Variants in IGSF21 observed in about 807,000 individuals in gnomAD.
IGSF21 encodes the protein immunoglobulin superfamily member 21.
Under a neutral mutation model 46.8 loss-of-function variants are expected in IGSF21, and 28 were observed. The ratio of observed to expected loss-of-function variants is 0.60; its 90% CI spans 0.44 to 0.82. The LOEUF (loss-of-function observed/expected upper bound fraction) is 0.82, where lower values mean the gene tolerates loss of function less well. IGSF21 is among the 40% of genes least tolerant of loss of function. The pLI is 0.00. For missense variants in IGSF21, 624 were observed against 665.5 expected (o/e 0.94, Z 0.69); for synonymous variants, 284 against 273.6 (o/e 1.04, Z -0.38).
intron 4 of IGSF21, among the ~76,000 whole-genome samples, chr1:18,340,984 CCTTCTTCTT>C (rs139039975): frequency 5.0e-4 from 57 of 114,452 alleles, no homozygotes; most frequent in African/African-American, 1.7e-3. Context: ...TTCTTCTTCT[CCTTCTTCTT>C]CTCCTCCTCC....
At chr1:18,199,295 C>G (rs1399834795) in intron 1 of IGSF21, among the ~76,000 whole-genome samples, 1 of 152,130 alleles carries the variant, frequency 6.6e-6, no homozygotes, top group Non-Finnish European at 1.5e-5. Flanking sequence ...CCTCTCCCAG[C>G]CTCTATCGCA....
chr1:18,359,338 A>AAAGAAAGAAAGAAAGAAAGAAAGAAAG (rs1557659426), intron 4 of IGSF21, among the ~76,000 whole-genome samples: 7 of 35,370 alleles, frequency 2.0e-4, no homozygotes, highest in East Asian at 7.7e-4. Context: ...AAGAGAAAGA[A>AAAGAAAGAAAGAAAGAAAGAAAGAAAG]AAAGAAAGAA....
intron 4 of IGSF21, among the ~76,000 whole-genome samples, chr1:18,350,734 TGCTTTATGAGGAGCAAGCG>T: frequency 6.6e-6 from 1 of 152,192 alleles, no homozygotes; most frequent in Admixed American, 6.5e-5. Context: ...CCCTGGAAAT[TGCTTTATGAGGAGCAAGCG>T]GCAAGAATGA....
intron 1 of IGSF21, among the ~76,000 whole-genome samples, chr1:18,199,972 G>A (rs570098515): frequency 3.9e-5 from 6 of 152,074 alleles, no homozygotes; most frequent in Non-Finnish European, 7.4e-5. Context: ...GGGTAGGAGC[G>A]GGTCCAAGGG....
intron 1 of IGSF21, among the ~76,000 whole-genome samples, chr1:18,136,681 C>G (rs2086370299): frequency 6.6e-6 from 1 of 152,120 alleles, no homozygotes. Flanking sequence ...AGTTTGAAGT[C>G]AGGTAGTGTG....
intron 6 of IGSF21, among the ~76,000 whole-genome samples, chr1:18,366,694 A>C (rs1261610091): frequency 1.3e-5 from 2 of 151,836 alleles, no homozygotes; most frequent in South Asian, 4.2e-4. Flanking sequence ...TACAATGAAA[A>C]CCCTGTCATC....
chr1:18,271,437 C>T (rs1002439770), intron 2 of IGSF21, among the ~76,000 whole-genome samples: 2 of 152,132 alleles, frequency 1.3e-5, no homozygotes, highest in African/African-American at 4.8e-5. Flanking sequence ...TTTGTCTAAA[C>T]CTATCCAGAT....
At chr1:18,362,010 C>G in intron 4 of IGSF21, 105 bp from the exon 5 acceptor site, 3 of 742,440 alleles carry the variant, frequency 4.0e-6, no homozygotes, top group East Asian at 2.7e-5. Context: ...TGCCCTCCCC[C>G]ACCCCCGGCA....
chr1:18,205,613 G>T (rs2084311017), intron 1 of IGSF21, among the ~76,000 whole-genome samples: 1 of 152,182 alleles, frequency 6.6e-6, no homozygotes, highest in Non-Finnish European at 1.5e-5. Flanking sequence ...GCCATGTCTT[G>T]TAGCCAAGAG....
At chr1:18,325,097 C>T (rs1310420039) in intron 3 of IGSF21, among the ~76,000 whole-genome samples, 1 of 152,184 alleles carries the variant, frequency 6.6e-6, no homozygotes, top group African/African-American at 2.4e-5. Flanking sequence ...AGTGCATCGC[C>T]ATCTCTTTCA....
chr1:18,331,902 T>A (rs1411701219), intron 3 of IGSF21, among the ~76,000 whole-genome samples: 1 of 152,174 alleles, frequency 6.6e-6, no homozygotes, highest in East Asian at 1.9e-4. Flanking sequence ...CCCAAGAGTG[T>A]GCCTTGGGCT....
chr1:18,281,973 C>G (rs1390984946), intron 2 of IGSF21, among the ~76,000 whole-genome samples: 1 of 152,152 alleles, frequency 6.6e-6, no homozygotes, highest in African/African-American at 2.4e-5. Flanking sequence ...CCCAGCTCTG[C>G]GGACTCCTCC....
chr1:18,273,695 A>G (rs2085073867), intron 2 of IGSF21, among the ~76,000 whole-genome samples: 1 of 150,988 alleles, frequency 6.6e-6, no homozygotes, highest in South Asian at 2.1e-4. Flanking sequence ...TTTTTAATAT[A>G]CTGGGTGATT....
At chr1:18,239,164 A>G (rs1379081628) in intron 2 of IGSF21, among the ~76,000 whole-genome samples, 2 of 152,158 alleles carry the variant, frequency 1.3e-5, no homozygotes, top group East Asian at 1.9e-4. Context: ...TGGCTTTCCT[A>G]TGCCCTGTTG....
At chr1:18,359,285 A>G (rs1389563481) in intron 4 of IGSF21, among the ~76,000 whole-genome samples, 4 of 124,348 alleles carry the variant, frequency 3.2e-5, no homozygotes, top group African/African-American at 1.3e-4. Context: ...CTCAAAAAAC[A>G]CAAAAAAAAA....
intron 2 of IGSF21, among the ~76,000 whole-genome samples, chr1:18,257,054 A>G (rs974840267): frequency 6.6e-6 from 1 of 152,072 alleles, no homozygotes; most frequent in Non-Finnish European, 1.5e-5. Flanking sequence ...TTGAAAGCTG[A>G]TTTTCTATTT....
intron 1 of IGSF21, among the ~76,000 whole-genome samples, chr1:18,197,233 G>A (rs1482424783): frequency 6.6e-6 from 1 of 152,180 alleles, no homozygotes; most frequent in African/African-American, 2.4e-5. Flanking sequence ...ACCCAGTCTT[G>A]TCAGTGCCTG....
intron 4 of IGSF21, among the ~76,000 whole-genome samples, chr1:18,348,491 C>T (rs1249193879): frequency 6.6e-6 from 1 of 152,174 alleles, no homozygotes; most frequent in Non-Finnish European, 1.5e-5. Flanking sequence ...TCCTCTCCAC[C>T]CCTGGGAGCT....
Position 18,307,833 on chromosome 1 carries a change from G to A in IGSF21, c.305+15846G>A, listed in dbSNP as rs181765750. ...GGGCTGTAGTGGTTCTCATCTTCAG[G>A]GTGCCTAAGCCAGCATCTCGTGCAC... On this transcript the variant is annotated intron_variant, in intron 3 of 9. Transcript: ENST00000251296. Among the ~76,000 whole-genome samples the A allele has an allele frequency of 4.6e-5, 7 of 152,296 alleles. No homozygotes were observed. The East Asian group carries it at 5.8e-4, about 13-fold the overall frequency.
Sources: gnomAD v4.1 joint callset for allele counts (sites outside exome capture counted in the v4.1 genomes callset) on GRCh38, gnomAD v4.1.1 for gene constraint, MANE v1.5 for transcripts, NCBI Gene and HGNC (gene_info 2026-07-23, HGNC 2026-07-21) for gene names.